Variants in TGFBR3 observed in about 807,000 individuals in gnomAD.
TGFBR3 encodes transforming growth factor beta receptor 3, also known as transforming growth factor beta receptor type 3.
In TGFBR3, 46 loss-of-function variants were observed where a neutral mutation model predicts 87.9. The ratio of observed to expected loss-of-function variants is 0.52; its 90% confidence interval spans 0.41 to 0.67. The LOEUF (loss-of-function observed/expected upper bound fraction) is 0.67. TGFBR3 is among the 30% of genes least tolerant of loss of function. TGFBR3 has a pLI of 0.00. For missense variants in TGFBR3, 866 were observed against 1,041.9 expected (o/e 0.83, Z 2.32); for synonymous variants, 381 against 391.6 (o/e 0.97, Z 0.32).
At chr1:91,719,857 T>C (rs376682099) in intron 9 of TGFBR3, 36 bp downstream of exon 9, 5 of 1,592,696 alleles carry the variant, frequency 3.1e-6, no homozygotes, top group Admixed American at 1.7e-5. Flanking sequence ...GGAAAGGAGG[T>C]AGCCTCTCTT....
chr1:91,760,654 GA>G (rs1186851309), intron 3 of TGFBR3, among the ~76,000 whole-genome samples: 30 of 152,126 alleles, frequency 2.0e-4, no homozygotes, highest in African/African-American at 7.2e-4. Flanking sequence ...ACACAGCTAG[GA>G]TCATTTTTAT....
intron 3 of TGFBR3, among the ~76,000 whole-genome samples, chr1:91,783,599 G>A (rs766116570): frequency 6.6e-6 from 1 of 152,184 alleles, no homozygotes; most frequent in Non-Finnish European, 1.5e-5. Flanking sequence ...TCTTCTGGCC[G>A]ACACACAACT....
chr1:91,811,016 G>A lies in TGFBR3; in HGVS notation c.62-13545C>T, dbSNP rs532903606. On this transcript the variant is annotated intron_variant, in intron 2 of 16. Coordinates refer to ENST00000212355, the MANE Select transcript of TGFBR3 (RefSeq NM_003243.5). Reference sequence around the variant, plus strand: ...GATGCTCACATAGATATCATAAAAAGGAAACAAATCACAGGCAGGTGCAGT... The same window carrying A: ...GATGCTCACATAGATATCATAAAAAAGAAACAAATCACAGGCAGGTGCAGT... 2.5e-3 allele frequency among the ~76,000 whole-genome samples: 378 copies of A among 152,280 alleles called. 3 individuals carry two copies. Among genetic ancestry groups the A allele is most frequent in the Non-Finnish European group, 4.7e-3 (319 of 68,018 alleles).
chr1:91,713,354 C>A lies in TGFBR3; in HGVS notation c.1867-812G>T, dbSNP rs1557671143. 2.0e-5 allele frequency among the ~76,000 whole-genome samples: 3 copies of A among 152,160 alleles called. 1 individual carries two copies. Among genetic ancestry groups the A allele is most frequent in the South Asian group, 4.1e-4 (2 of 4,824 alleles). ...GAAGTAATGTTTAGCCAAGTGTAAA[C>A]AGAATTCAAACCTCAACTATCCTGA... On this transcript the variant is annotated intron_variant, in intron 12 of 16. Coordinates refer to ENST00000212355, the MANE Select transcript of TGFBR3 (RefSeq NM_003243.5).
At chr1:91,844,089 A>G (rs1677389400) in intron 2 of TGFBR3, among the ~76,000 whole-genome samples, 2 of 152,230 alleles carry the variant, frequency 1.3e-5, no homozygotes. Context: ...CATTTAGTCC[A>G]AAGGAACAAG....
intron 1 of TGFBR3, among the ~76,000 whole-genome samples, chr1:91,878,480 G>C (rs145966765): frequency 6.6e-6 from 1 of 152,116 alleles, no homozygotes; most frequent in African/African-American, 2.4e-5. Context: ...ATGGAATTAA[G>C]TATTCATCAA....
intron 2 of TGFBR3, among the ~76,000 whole-genome samples, chr1:91,897,314 G>A (rs769551185): frequency 7.9e-5 from 12 of 152,196 alleles, no homozygotes; most frequent in Admixed American, 2.0e-4. Flanking sequence ...CCGACTTGAC[G>A]TGGGGAAGAG....
intron 4 of TGFBR3, among the ~76,000 whole-genome samples, chr1:91,743,208 C>T (rs1411050069): frequency 6.6e-6 from 1 of 152,116 alleles, no homozygotes; most frequent in Non-Finnish European, 1.5e-5. Flanking sequence ...TGGCAGGTTG[C>T]ATTGTAGCCT....
At chr1:91,705,550 TA>T (rs1671773157) in intron 14 of TGFBR3, among the ~76,000 whole-genome samples, 1 of 144,054 alleles carries the variant, frequency 6.9e-6, no homozygotes, top group Admixed American at 7.2e-5. Context: ...TTCAAATGAC[TA>T]TTCCAATTCA....
intron 1 of TGFBR3, among the ~76,000 whole-genome samples, chr1:91,871,882 G>C (rs1444124991): frequency 2.0e-5 from 3 of 152,172 alleles, no homozygotes; most frequent in Non-Finnish European, 4.4e-5. Flanking sequence ...CTATAAAGTA[G>C]AGATAATGAT....
At chr1:91,741,314 A>C (rs1175309962) in intron 4 of TGFBR3, among the ~76,000 whole-genome samples, 1 of 152,174 alleles carries the variant, frequency 6.6e-6, no homozygotes, top group African/African-American at 2.4e-5. Flanking sequence ...AACAGCAGCC[A>C]GATGGAAGAG....
chr1:91,819,541 G>A (rs1325351501), intron 2 of TGFBR3, among the ~76,000 whole-genome samples: 1 of 152,156 alleles, frequency 6.6e-6, no homozygotes, highest in Admixed American at 6.6e-5. Context: ...CCTGTTTGGA[G>A]AGGGCCTACA....
At chr1:91,814,460 G>T (rs1017302758) in intron 2 of TGFBR3, among the ~76,000 whole-genome samples, 1 of 151,930 alleles carries the variant, frequency 6.6e-6, no homozygotes, top group Non-Finnish European at 1.5e-5. Context: ...GAAACTTTCC[G>T]TGGTTTATGG....
At chr1:91,775,413 G>A (rs940149635) in intron 3 of TGFBR3, among the ~76,000 whole-genome samples, 1 of 152,188 alleles carries the variant, frequency 6.6e-6, no homozygotes, top group African/African-American at 2.4e-5. Flanking sequence ...CAAGCTGAGG[G>A]CCTGGGCCCT....
chr1:91,824,259 C>A (rs1467890448), intron 2 of TGFBR3, among the ~76,000 whole-genome samples: 1 of 152,138 alleles, frequency 6.6e-6, no homozygotes, highest in Non-Finnish European at 1.5e-5. Context: ...AGACTGCCAG[C>A]TCTATAATTT....
chr1:91,710,755 G>A (rs564583090), intron 13 of TGFBR3, among the ~76,000 whole-genome samples: 1 of 152,230 alleles, frequency 6.6e-6, no homozygotes, highest in South Asian at 2.1e-4. Flanking sequence ...AGTATATGAG[G>A]AAATACAGGC....
intron 2 of TGFBR3, among the ~76,000 whole-genome samples, chr1:91,829,395 C>CAAA (rs71586715): frequency 2.1e-5 from 3 of 140,300 alleles, no homozygotes; most frequent in Admixed American, 7.1e-5. Flanking sequence ...AACAAACAAA[C>CAAA]AAAAAAAAAA....
chr1:91,888,181 G>A (rs557726092), upstream of TGFBR3, among the ~76,000 whole-genome samples: 2 of 152,296 alleles, frequency 1.3e-5, no homozygotes, highest in East Asian at 1.9e-4. Flanking sequence ...TGCCATCCAC[G>A]TGATATGTGA....
At chr1:91,822,885 C>G (rs1676503688) in intron 2 of TGFBR3, among the ~76,000 whole-genome samples, 1 of 152,138 alleles carries the variant, frequency 6.6e-6, no homozygotes, top group South Asian at 2.1e-4. Context: ...AAGATCACAC[C>G]ACTGCACTCC....
Sources: allele counts gnomAD v4.1 joint callset (sites outside exome capture counted in the v4.1 genomes callset), GRCh38; gene constraint gnomAD v4.1.1; transcripts MANE v1.5; gene names NCBI Gene and HGNC (gene_info 2026-07-23, HGNC 2026-07-21).